The following NTRK1 variants were observed in gnomAD, a reference collection of about 807,000 sequenced individuals.
The protein encoded by NTRK1 is neurotrophic receptor tyrosine kinase 1, also known as high affinity nerve growth factor receptor.
In NTRK1, 62 loss-of-function variants were observed where a neutral mutation model predicts 86.8. The ratio of observed to expected loss-of-function variants is 0.71; its 90% CI spans 0.58 to 0.88. NTRK1 has a LOEUF of 0.88. Among genes scored for constraint, NTRK1 ranks in the 40% least tolerant of loss-of-function variants. NTRK1 has a pLI of 0.00. For synonymous variants in NTRK1, 469 were observed against 456.6 expected (o/e 1.03, Z -0.35); for missense variants, 967 against 1,078.4 (o/e 0.90, Z 1.45).
At chr1:156,866,059 G>A (rs770284252) in intron 3 of NTRK1, among the ~76,000 whole-genome samples, 2 of 152,224 alleles carry the variant, frequency 1.3e-5, no homozygotes, top group Non-Finnish European at 2.9e-5. Flanking sequence ...GAATCAGAGA[G>A]GTTGAGTTTC....
At position 156,881,506 on chromosome 1, in the gene NTRK1, G is replaced by A; in HGVS notation, c.2255G>A (p.Cys752Tyr). ...QGRELERPRA[C>Y]PPEVYAIMRG... ...CGTGAGTTGGAGCGGCCACGTGCCT[G>A]CCCACCAGAGGTCTACGCCATCATG... is the stretch of plus-strand genomic sequence containing the variant. Residue 752 changes from cysteine (C) to tyrosine (Y), a missense_variant, in exon 17 of 17, where the codon TGC (cysteine) becomes TAC (tyrosine). By Grantham distance (194) the Cys-to-Tyr change is radical (BLOSUM62 -2). Coordinates refer to ENST00000524377, the MANE Select transcript of NTRK1 (RefSeq NM_002529.4). 6.3e-7 allele frequency: 1 copy of A among 1,595,634 alleles called. No homozygotes were observed. Among genetic ancestry groups the A allele is most frequent in the Non-Finnish European group, 8.5e-7 (1 of 1,171,326 alleles).
intron 12 of NTRK1, 105 bp downstream of exon 12, chr1:156,875,771 TC>T: frequency 6.8e-7 from 1 of 1,463,634 alleles, no homozygotes; most frequent in Non-Finnish European, 9.3e-7. Flanking sequence ...CCTCCCTTTC[TC>T]CCACCCCTCC....
chr1:156,849,513 G>GGA, intron 2 of NTRK1: 1 of 486,120 alleles, frequency 2.1e-6, no homozygotes, highest in East Asian at 5.4e-5. Flanking sequence ...CAGGGGGTGG[G>GGA]AAAGGGGATG....
At chr1:156,859,990 C>T (rs1476010841), upstream of NTRK1, among the ~76,000 whole-genome samples, 1 of 152,234 alleles carries the variant, frequency 6.6e-6, no homozygotes, top group Admixed American at 6.5e-5. The surrounding 1 kb of genome is among the most constrained non-coding windows in gnomAD (Gnocchi z 6.2). Context: ...GGTGCGCGGT[C>T]CTCAGCTCCA....
chr1:156,832,147 T>A (rs116309842), intron 1 of NTRK1, among the ~76,000 whole-genome samples: 3,558 of 152,296 alleles, frequency 0.023, 66 homozygotes, highest in Middle Eastern at 0.078. Context: ...CTAGTTTTAG[T>A]TAAGTATGTT....
chr1:156,842,972 T>C, intron 2 of NTRK1: 1 of 1,532,710 alleles, frequency 6.5e-7, no homozygotes, highest in South Asian at 1.1e-5. Context: ...ACACTAATTA[T>C]GACCCTGACA....
At chr1:156,846,247 G>A (rs1441402313) in intron 2 of NTRK1, 3 of 1,026,874 alleles carry the variant, frequency 2.9e-6, no homozygotes, top group Non-Finnish European at 4.1e-6. Flanking sequence ...CTCACCCCTG[G>A]CTTCCTAGAA....
chr1:156,823,826 G>A (rs1044659126), intron 1 of NTRK1, among the ~76,000 whole-genome samples: 47 of 152,216 alleles, frequency 3.1e-4, no homozygotes, highest in Non-Finnish European at 5.9e-5. Flanking sequence ...GGGCATACAG[G>A]TGGCGGAAAG....
At chr1:156,863,912 G>T (rs1205562661) in intron 1 of NTRK1, among the ~76,000 whole-genome samples, 2 of 152,172 alleles carry the variant, frequency 1.3e-5, no homozygotes, top group Non-Finnish European at 2.9e-5. Flanking sequence ...GAATGGACTT[G>T]TGTGTGTGCA....
At chr1:156,855,211 T>TC (rs55960922) in intron 2 of NTRK1, among the ~76,000 whole-genome samples, 11,244 of 150,760 alleles carry the variant, frequency 0.075, 461 homozygotes, top group African/African-American at 0.11. Flanking sequence ...TATCTATCTA[T>TC]TTATTTATTT....
rs189325529 is a variant in NTRK1, at chr1:156,836,623, C to G, written c.-63-5458C>G. Among the ~76,000 whole-genome samples the G allele has an allele frequency of 1.9e-3, 285 of 152,322 alleles. 1 individual carries two copies. Among genetic ancestry groups the G allele is most frequent in the Non-Finnish European group, 3.0e-3 (201 of 68,030 alleles). ...CCCTTATGCCCCTCCCTCCTCCCTC[C>G]TCTTTCATGGTGGGAGTGCTGAAGG... On this transcript the variant is annotated intron_variant, in intron 1 of 16. Transcript: ENST00000392302.
rs1300759232 is a variant in NTRK1 at position 156,821,493 on chromosome 1, GTA to G, written c.-64+5657_-64+5658del. ...TGTGTGTGTGTGTGTGTGTGTGTGT[GTA>G]TGTGTAGGGGGTTGAGATGTCAGAA... On this transcript the variant is annotated intron_variant, in intron 1 of 16. Coordinates refer to the NTRK1 transcript ENST00000392302. Among the ~76,000 whole-genome samples the G allele has an allele frequency of 4.6e-3, 664 of 143,056 alleles. 4 individuals carry two copies. The highest frequency in any genetic ancestry group is 0.017 in the African/African-American group (621 of 37,620). The allele number at this position is 143,056 out of a possible 152,430, so 93.9% of individuals were successfully genotyped here.
intron 1 of NTRK1, chr1:156,816,648 A>C (rs1477412109): frequency 1.8e-5 from 29 of 1,596,588 alleles, no homozygotes; most frequent in Non-Finnish European, 2.5e-5. Flanking sequence ...GCCCCCTCCC[A>C]CCCATATCCT....
chr1:156,838,411 G>A (rs1328490394), intron 1 of NTRK1, among the ~76,000 whole-genome samples: 3 of 151,848 alleles, frequency 2.0e-5, no homozygotes, highest in Admixed American at 2.0e-4. Flanking sequence ...TGAATCTGGG[G>A]AAGAGGAGGG....
chr1:156,844,748 G>T, intron 2 of NTRK1: 4 of 1,614,174 alleles, frequency 2.5e-6, no homozygotes, highest in Non-Finnish European at 3.4e-6. Flanking sequence ...TTGAGGATGA[G>T]TCCGTTGGGG....
intron 2 of NTRK1, chr1:156,846,405 A>G (rs1655009181): frequency 3.4e-6 from 3 of 891,322 alleles, no homozygotes; most frequent in African/African-American, 3.4e-5. Context: ...CTGGCCTTCC[A>G]GCCTCTGTGG....
chr1:156,826,556 T>A (rs1654322128), intron 1 of NTRK1, among the ~76,000 whole-genome samples: 1 of 152,162 alleles, frequency 6.6e-6, no homozygotes, highest in Non-Finnish European at 1.5e-5. Flanking sequence ...CCCAAAGTGC[T>A]GGGATTACAG....
intron 2 of NTRK1, 44 bp downstream of exon 2, chr1:156,864,472 TG>T (rs1175136497): frequency 6.3e-7 from 1 of 1,593,246 alleles, no homozygotes; most frequent in Admixed American, 1.7e-5. Flanking sequence ...AGCATGGGCC[TG>T]GGGGAGACCA....
At chr1:156,862,568 G>A (rs1386872289) in intron 1 of NTRK1, among the ~76,000 whole-genome samples, 1 of 152,142 alleles carries the variant, frequency 6.6e-6, no homozygotes, top group Admixed American at 6.5e-5. Flanking sequence ...TGTCCCCCTG[G>A]GTGGGGCTGC....
Sources: allele counts gnomAD v4.1 joint callset (sites outside exome capture counted in the v4.1 genomes callset), GRCh38; gene constraint gnomAD v4.1.1; non-coding constraint Gnocchi (gnomAD v3.1); transcripts MANE v1.5; gene names NCBI Gene and HGNC (gene_info 2026-07-23, HGNC 2026-07-21).